The following CDH8 variants were observed in gnomAD, a reference collection of about 807,000 sequenced individuals.
The protein encoded by CDH8 is cadherin-8.
CDH8 carries 17 observed loss-of-function variants against 68.1 expected under a neutral mutation model. That is an observed-to-expected ratio of 0.25 (90% CI 0.17 to 0.37). CDH8 has a LOEUF of 0.37. Ranked by LOEUF, CDH8 falls within the 10% of genes least tolerant of loss-of-function variation. CDH8 has a pLI of 1.00. For missense variants in CDH8, 763 were observed against 999.3 expected, an observed-to-expected ratio of 0.76 and a Z score of 3.19; for synonymous variants, 372 against 365.1, an observed-to-expected ratio of 1.02 and a Z score of -0.21.
At chr16:61,959,974 G>GTATA (rs1965064013) in intron 2 of CDH8, among the ~76,000 whole-genome samples, 1 of 43,328 alleles carries the variant, frequency 2.3e-5, no homozygotes, top group African/African-American at 1.1e-4. Context: ...TGGTGTATGT[G>GTATA]TGTGTGTGTG....
At chr16:62,032,877 T>G (rs1025779399) in intron 1 of CDH8, among the ~76,000 whole-genome samples, 6 of 152,188 alleles carry the variant, frequency 3.9e-5, no homozygotes, top group African/African-American at 1.4e-4. Context: ...CTTTAAAGCA[T>G]TAATTTACCT....
In CDH8 at chr16:62,001,672, T is replaced by TTA. The variant is rs1555528596; in HGVS notation, c.252+19479_252+19480insTA. ...AATCCTTCTTACTTCAAACCGGTTTTTTATTATTATTATTATGCTTTAAGT... is the reference window on the plus strand; with the variant it reads ...AATCCTTCTTACTTCAAACCGGTTTTTATTATTATTATTATTATGCTTTAAGT... On this transcript the variant is annotated intron_variant, in intron 2 of 11. Coordinates refer to ENST00000577390, the MANE Select transcript of CDH8 (RefSeq NM_001796.5). Among the ~76,000 whole-genome samples, 30 of 151,804 alleles carry TTA rather than the reference T, an allele frequency of 2.0e-4. 1 individual carries two copies. Among genetic ancestry groups the TTA allele is most frequent in the East Asian group, 2.0e-4 (1 of 5,126 alleles).
intron 5 of CDH8, 103 bp downstream of exon 5, chr16:61,824,909 C>A: frequency 1.0e-6 from 1 of 958,478 alleles, no homozygotes; most frequent in South Asian, 1.5e-5. Flanking sequence ...ATAAGCCACT[C>A]AATAGTTGCT....
At chr16:61,819,298 A>G (rs1962156982) in intron 6 of CDH8, among the ~76,000 whole-genome samples, 2 of 152,130 alleles carry the variant, frequency 1.3e-5, no homozygotes, top group African/African-American at 4.8e-5. Flanking sequence ...CAAGGTGTAT[A>G]GTATATGCTT....
chr16:61,969,391 G>A (rs1965303293), intron 2 of CDH8, among the ~76,000 whole-genome samples: 1 of 152,154 alleles, frequency 6.6e-6, no homozygotes, highest in Non-Finnish European at 1.5e-5. Flanking sequence ...CACGTAGCTG[G>A]TTTCTTGAAT....
At chr16:61,715,771 C>T (rs1964719376) in intron 9 of CDH8, among the ~76,000 whole-genome samples, 1 of 151,530 alleles carries the variant, frequency 6.6e-6, no homozygotes, top group African/African-American at 2.4e-5. Flanking sequence ...TAAAAATCAA[C>T]ATGAGTTAAA....
At chr16:61,919,059 A>G (rs1389865038) in intron 2 of CDH8, among the ~76,000 whole-genome samples, 1 of 146,680 alleles carries the variant, frequency 6.8e-6, no homozygotes, top group Non-Finnish European at 1.5e-5. Flanking sequence ...GGGCATACTG[A>G]CACCTCACAC....
intron 4 of CDH8, among the ~76,000 whole-genome samples, chr16:61,846,416 G>A (rs1457623749): frequency 6.6e-6 from 1 of 151,938 alleles, no homozygotes; most frequent in African/African-American, 2.4e-5. Context: ...CCCTGATAGT[G>A]GAGATGATTA....
chr16:61,668,329 A>G (rs936880704), intron 10 of CDH8, among the ~76,000 whole-genome samples: 3 of 151,894 alleles, frequency 2.0e-5, no homozygotes, highest in East Asian at 1.9e-4. Context: ...GTGTTTGATG[A>G]TTTTTTTCTC....
At chr16:61,766,077 T>C (rs1197606631) in intron 8 of CDH8, among the ~76,000 whole-genome samples, 1 of 151,906 alleles carries the variant, frequency 6.6e-6, no homozygotes, top group South Asian at 2.1e-4. Context: ...AAGATTTTAG[T>C]GCAACCATCA....
intron 8 of CDH8, among the ~76,000 whole-genome samples, chr16:61,735,189 T>C (rs1959642807): frequency 6.6e-6 from 1 of 152,052 alleles, no homozygotes; most frequent in Non-Finnish European, 1.5e-5. Flanking sequence ...CTTAATTACA[T>C]CTACATAGAC....
intron 8 of CDH8, among the ~76,000 whole-genome samples, chr16:61,787,770 G>C (rs1023015233): frequency 7.3e-5 from 11 of 151,424 alleles, no homozygotes; most frequent in Non-Finnish European, 1.5e-4. Flanking sequence ...CATAAAAAAT[G>C]ATGACTTCAT....
chr16:61,829,800 C>G (rs765961479), intron 4 of CDH8, among the ~76,000 whole-genome samples: 1 of 151,732 alleles, frequency 6.6e-6, no homozygotes, highest in Non-Finnish European at 1.5e-5. Flanking sequence ...CTTGCTTTCC[C>G]GAGTCCACTG....
At chr16:61,726,565 A>C (rs1482691013) in intron 9 of CDH8, 1 of 152,022 alleles carries the variant, frequency 6.6e-6, no homozygotes, top group Non-Finnish European at 1.5e-5. Context: ...GGCACAAAAA[A>C]TGTTCTACTA....
intron 2 of CDH8, among the ~76,000 whole-genome samples, chr16:61,981,681 TGCGCGCGCGC>T (rs1555526842): frequency 2.8e-5 from 4 of 141,758 alleles, no homozygotes; most frequent in African/African-American, 1.1e-4. Flanking sequence ...TGTGTGTGTG[TGCGCGCGCGC>T]GCGTGCGCTT....
chr16:61,724,428 G>A (rs1673392427), intron 9 of CDH8, among the ~76,000 whole-genome samples: 2 of 150,556 alleles, frequency 1.3e-5, no homozygotes, highest in Admixed American at 6.7e-5. Flanking sequence ...TTCATTTTGT[G>A]AGCCGTTTTG....
intron 4 of CDH8, among the ~76,000 whole-genome samples, chr16:61,852,739 G>T (rs1962961413): frequency 6.6e-6 from 1 of 151,850 alleles, no homozygotes; most frequent in Admixed American, 6.6e-5. Context: ...ATGAATTGTG[G>T]CAAGCTTTTC....
intron 1 of CDH8, among the ~76,000 whole-genome samples, chr16:62,031,643 A>G (rs1902327699): frequency 6.7e-6 from 1 of 149,464 alleles, no homozygotes; most frequent in Admixed American, 6.7e-5. Context: ...ATATACTTCT[A>G]CCTACTAAGA....
intron 4 of CDH8, among the ~76,000 whole-genome samples, chr16:61,845,586 T>C (rs1013244707): frequency 1.3e-5 from 2 of 151,406 alleles, no homozygotes; most frequent in Admixed American, 6.6e-5. Flanking sequence ...CTATGAACAC[T>C]ATAATCTCTG....
Sources: gnomAD v4.1 joint callset for allele counts (sites outside exome capture counted in the v4.1 genomes callset) on GRCh38, gnomAD v4.1.1 for gene constraint, MANE v1.5 for transcripts, NCBI Gene and HGNC (gene_info 2026-07-23, HGNC 2026-07-21) for gene names.